SAMD8: variants seen among roughly 807,000 people sequenced by gnomAD.
SAMD8 encodes sphingomyelin synthase-related protein 1.
SAMD8 carries 20 observed loss-of-function variants against 42.0 expected under a neutral mutation model. That is an observed-to-expected ratio of 0.48 (90% confidence interval 0.34 to 0.69). SAMD8 has a LOEUF of 0.69. Ranked by LOEUF, SAMD8 falls within the 30% of genes least tolerant of loss-of-function variation. The pLI is 0.01. For missense variants in SAMD8, 328 were observed against 511.6 expected (o/e 0.64, Z 3.46); for synonymous variants, 162 against 173.0 (o/e 0.94, Z 0.50).
chr10:75,171,520 T>C (rs113785313), intron 4 of SAMD8, among the ~76,000 whole-genome samples: 35 of 152,294 alleles, frequency 2.3e-4, no homozygotes, highest in African/African-American at 7.9e-4. Flanking sequence ...TCTGAAGAAG[T>C]ACATGTGGTC....
upstream of SAMD8, among the ~76,000 whole-genome samples, chr10:75,110,448 G>C (rs1359165886): frequency 9.9e-5 from 15 of 152,192 alleles, no homozygotes; most frequent in Non-Finnish European, 2.2e-4. Context: ...GCTGCAGTGG[G>C]GAGGTTCCCA....
At chr10:75,136,666 C>T (rs1180322643) in intron 1 of SAMD8, among the ~76,000 whole-genome samples, 2 of 152,194 alleles carry the variant, frequency 1.3e-5, no homozygotes, top group African/African-American at 2.4e-5. Flanking sequence ...ACCTTTGCTA[C>T]AGTCAGAAGG....
intron 1 of SAMD8, among the ~76,000 whole-genome samples, chr10:75,144,500 T>A (rs1238950137): frequency 1.3e-5 from 2 of 149,260 alleles, no homozygotes; most frequent in Non-Finnish European, 2.9e-5. Context: ...ATACAGTATT[T>A]GTCCTTTTGT....
chr10:75,105,301 G>A lies in SAMD8; in HGVS notation c.-16+5573G>A, dbSNP rs565815354. Among the ~76,000 whole-genome samples the A allele has an allele frequency of 1.2e-4, 18 of 152,314 alleles. No individual in the cohort carries two copies. The South Asian group carries it at 2.7e-3, about 23-fold the overall frequency. On this transcript the variant is annotated intron_variant, in intron 1 of 3. Coordinates refer to the SAMD8 transcript ENST00000447533. ...CCCCCACAGGCTTTCAGCTGAGGCA[G>A]GGCAGGTTGGCCCCAAGACCAGGTA...
chr10:75,170,861 C>T (rs1840843009), intron 4 of SAMD8, among the ~76,000 whole-genome samples: 1 of 146,370 alleles, frequency 6.8e-6, no homozygotes, highest in South Asian at 2.1e-4. Context: ...GCAACCTCCT[C>T]TTCCCAAGTT....
chr10:75,121,704 T>C (rs1849009516), intron 1 of SAMD8, among the ~76,000 whole-genome samples: 1 of 151,930 alleles, frequency 6.6e-6, no homozygotes, highest in African/African-American at 2.4e-5. Context: ...TTTTTTCTTC[T>C]TTTTTTTGAC....
At chr10:75,148,614 A>G (rs1412964075) in intron 1 of SAMD8, among the ~76,000 whole-genome samples, 1 of 152,086 alleles carries the variant, frequency 6.6e-6, no homozygotes, top group Non-Finnish European at 1.5e-5. Context: ...CGGCCTCCCA[A>G]AGTGCTGGGA....
chr10:75,167,486 A>G (rs1323839279), intron 3 of SAMD8, among the ~76,000 whole-genome samples: 1 of 152,162 alleles, frequency 6.6e-6, no homozygotes, highest in Non-Finnish European at 1.5e-5. Context: ...TTGGTCTCCC[A>G]AAGTTCTGGG....
At chr10:75,134,184 G>A (rs534205852) in intron 1 of SAMD8, among the ~76,000 whole-genome samples, 2 of 152,288 alleles carry the variant, frequency 1.3e-5, no homozygotes, top group Admixed American at 6.5e-5. Flanking sequence ...GCCTGTCAGT[G>A]GGGGGCAGCC....
At chr10:75,169,125 G>A (rs1174169079) in intron 4 of SAMD8, among the ~76,000 whole-genome samples, 3 of 137,486 alleles carry the variant, frequency 2.2e-5, no homozygotes, top group South Asian at 2.3e-4. Flanking sequence ...AGCTGAGATC[G>A]TGCCACTGCA....
chr10:75,156,881 A>G (rs1466505656), intron 2 of SAMD8, among the ~76,000 whole-genome samples: 2 of 152,148 alleles, frequency 1.3e-5, no homozygotes, highest in African/African-American at 4.8e-5. Context: ...GACAATTAGG[A>G]AAATTGGAAT....
At chr10:75,131,669 TA>T (rs1849276696) in intron 1 of SAMD8, among the ~76,000 whole-genome samples, 1 of 152,188 alleles carries the variant, frequency 6.6e-6, no homozygotes, top group Non-Finnish European at 1.5e-5. Flanking sequence ...GAATATTTTT[TA>T]AAAATCTATA....
intron 4 of SAMD8, among the ~76,000 whole-genome samples, chr10:75,171,694 A>G (rs1426255254): frequency 6.6e-6 from 1 of 152,162 alleles, no homozygotes; most frequent in Non-Finnish European, 1.5e-5. Flanking sequence ...AAATTATTGC[A>G]AGTAAAATTA....
At position 75,141,743 on chromosome 10, in the gene SAMD8, G is replaced by A. The variant is rs189181402; in HGVS notation, c.-15-8771G>A. ...TTTTTATTAGAGACAGGGTTTCACC[G>A]TGTTAGCCAGGATGGTCTCGATCTC... is the stretch of plus-strand genomic sequence containing the variant. On this transcript the variant is annotated intron_variant, in intron 1 of 5. Transcript: ENST00000542569. Among the ~76,000 whole-genome samples the A allele has an allele frequency of 3.5e-3, 534 of 151,486 alleles. 2 individuals are homozygous for A. Among genetic ancestry groups the A allele is most frequent in the African/African-American group, 0.012 (481 of 41,332 alleles).
intron 4 of SAMD8, among the ~76,000 whole-genome samples, chr10:75,173,782 T>C (rs1840924266): frequency 6.6e-6 from 1 of 152,154 alleles, no homozygotes; most frequent in Admixed American, 6.5e-5. Context: ...CCTAATGAGA[T>C]TGTGATATCT....
chr10:75,109,117 T>C (rs1457051108), upstream of SAMD8: 8 of 1,610,564 alleles, frequency 5.0e-6, no homozygotes, highest in African/African-American at 1.1e-4. Context: ...AGGCGTGGCT[T>C]TGTCCTCTCC....
chr10:75,115,712 G>A (rs1003533833), intron 1 of SAMD8, among the ~76,000 whole-genome samples: 31 of 152,012 alleles, frequency 2.0e-4, no homozygotes, highest in African/African-American at 6.3e-4. Context: ...AGGCCGAGGC[G>A]GGCGGATCAC....
intron 1 of SAMD8, among the ~76,000 whole-genome samples, chr10:75,132,388 A>G (rs1393407577): frequency 6.6e-6 from 1 of 152,098 alleles, no homozygotes; most frequent in Non-Finnish European, 1.5e-5. Flanking sequence ...TTGGTTCTCT[A>G]GTTTATCCAT....
intron 2 of SAMD8, among the ~76,000 whole-genome samples, chr10:75,155,172 GTGAGCTACCACCC>G: frequency 6.6e-6 from 1 of 152,262 alleles, no homozygotes; most frequent in South Asian, 2.1e-4. Context: ...GATTGTAGGT[GTGAGCTACCACCC>G]CCCAGCCTAT....
Sources: gnomAD v4.1 joint callset for allele counts (sites outside exome capture counted in the v4.1 genomes callset) on GRCh38, gnomAD v4.1.1 for gene constraint, MANE v1.5 for transcripts, NCBI Gene and HGNC (gene_info 2026-07-23, HGNC 2026-07-21) for gene names.